The following COL24A1 variants were observed in gnomAD, a reference collection of about 807,000 sequenced individuals.
The protein encoded by COL24A1 is collagen alpha-1(XXIV) chain.
A neutral mutation model predicts 253.9 loss-of-function variants in COL24A1; 224 were observed. The ratio of observed to expected loss-of-function variants is 0.88; its 90% CI spans 0.79 to 0.99. The LOEUF is 0.99. COL24A1 is among the 50% of genes least tolerant of loss of function. The pLI is 0.00. For synonymous variants in COL24A1, 685 were observed against 673.7 expected, an observed-to-expected ratio of 1.02 and a Z score of -0.26; for missense variants, 2,131 against 2,068.5, an observed-to-expected ratio of 1.03 and a Z score of -0.59.
intron 20 of COL24A1, among the ~76,000 whole-genome samples, chr1:85,986,171 T>C (rs1027959687): frequency 3.3e-5 from 5 of 151,812 alleles, no homozygotes; most frequent in African/African-American, 7.2e-5. Flanking sequence ...TATCTTTCTC[T>C]AGATTTTAAG....
rs1653634912 is a variant in COL24A1 at position 86,156,438 on chromosome 1, A to T, written c.-42T>A. 1.3e-6 allele frequency: 2 copies of T among 1,596,090 alleles called. No individual in the cohort carries two copies. Among genetic ancestry groups the T allele is most frequent in the Non-Finnish European group, 1.7e-6 (2 of 1,168,736 alleles). ...GTGCAGCAAAGCGCTAACGGAAAAC[A>T]GAAGCCAACTCTGAACTGCTTAGGG... is the stretch of plus-strand genomic sequence containing the variant. On this transcript the variant is annotated 5_prime_UTR_variant, in exon 1 of 60. Coordinates refer to ENST00000370571, the MANE Select transcript of COL24A1 (RefSeq NM_152890.7).
chr1:85,976,199 A>T (rs1320914781), intron 20 of COL24A1, among the ~76,000 whole-genome samples: 1 of 152,184 alleles, frequency 6.6e-6, no homozygotes, highest in Non-Finnish European at 1.5e-5. Flanking sequence ...GGGAGGGGCG[A>T]GGCCTGAAAG....
intron 47 of COL24A1, among the ~76,000 whole-genome samples, chr1:85,810,765 C>T (rs1455678989): frequency 6.6e-6 from 1 of 152,144 alleles, no homozygotes; most frequent in East Asian, 1.9e-4. Flanking sequence ...CCCCACTTCA[C>T]CTTCTAGTCT....
intron 24 of COL24A1, among the ~76,000 whole-genome samples, chr1:85,925,881 C>T (rs1015085803): frequency 2.0e-5 from 3 of 152,240 alleles, no homozygotes; most frequent in South Asian, 2.1e-4. Context: ...TCAGAGTGAA[C>T]AGGCAACCTA....
Position 85,998,838 on chromosome 1 carries a change from C to T in COL24A1, c.2311-11184G>A, listed in dbSNP as rs145681681. Reference sequence around the variant, plus strand: ...ACCGCATATGCAAGTATCATCTAGCCCTCTTCTTGTCACCCTGTGGGAAGT... The same window carrying T: ...ACCGCATATGCAAGTATCATCTAGCTCTCTTCTTGTCACCCTGTGGGAAGT... On this transcript the variant is annotated intron_variant, in intron 19 of 59. Transcript: ENST00000370571. Among the ~76,000 whole-genome samples the T allele has an allele frequency of 4.6e-3, 694 of 152,312 alleles. 6 individuals are homozygous for T. Among genetic ancestry groups the T allele is most frequent in the African/African-American group, 0.016 (668 of 41,568 alleles).
At chr1:85,776,057 A>T (rs2101453773) in intron 52 of COL24A1, among the ~76,000 whole-genome samples, 1 of 152,218 alleles carries the variant, frequency 6.6e-6, no homozygotes, top group East Asian at 1.9e-4. Context: ...AATTCTTCTA[A>T]TAATTGTTTT....
chr1:85,821,914 A>G (rs1673660151), intron 45 of COL24A1, among the ~76,000 whole-genome samples: 1 of 152,224 alleles, frequency 6.6e-6, no homozygotes, highest in African/African-American at 2.4e-5. Flanking sequence ...GAAAGTATTA[A>G]TTGTAAAAAA....
Position 86,033,935 on chromosome 1 carries a change from A to C in COL24A1, c.1951-12T>G, listed in dbSNP as rs201514530. 46 of 1,585,570 alleles carry C rather than the reference A, an allele frequency of 2.9e-5. No individual in the cohort carries two copies. The East Asian group carries it at 1.0e-3, about 35-fold the overall frequency. ...TCACCTGGAAAACCCTGTCACAGGG[A>C]AAGAGGAAGAATGCCAACATATATA... On this transcript the variant is annotated splice_polypyrimidine_tract_variant and intron_variant, in intron 12 of 59. Transcript: ENST00000370571.
rs543385145 is a variant in COL24A1, at chr1:85,988,851, T to C, written c.2311-1197A>G. Among the ~76,000 whole-genome samples, 5 of 152,266 alleles carry C rather than the reference T, an allele frequency of 3.3e-5. No homozygotes were observed. In the South Asian group the frequency reaches 1.0e-3, roughly 32 times the overall value. ...CGACTCAGATTTAAAGCTTGGATTC[T>C]GTGAGGAAAAATATAATTTGGGGAC... On this transcript the variant is annotated intron_variant, in intron 19 of 59. Transcript: ENST00000370571.
At chr1:85,895,530 AC>A (rs1683586812) in intron 31 of COL24A1, among the ~76,000 whole-genome samples, 1 of 152,184 alleles carries the variant, frequency 6.6e-6, no homozygotes, top group Non-Finnish European at 1.5e-5. Flanking sequence ...AACAGTTATA[AC>A]CACCAGTTAT....
chr1:86,110,601 G>A (rs1277957933), intron 5 of COL24A1, among the ~76,000 whole-genome samples: 1 of 151,960 alleles, frequency 6.6e-6, no homozygotes, highest in African/African-American at 2.4e-5. Flanking sequence ...CGGCGCTCGC[G>A]AGCGAGCGCG....
At chr1:85,810,508 C>T (rs994119443) in intron 47 of COL24A1, among the ~76,000 whole-genome samples, 26 of 152,176 alleles carry the variant, frequency 1.7e-4, no homozygotes, top group African/African-American at 6.3e-4. Context: ...GATAAACTTG[C>T]TTTGTGACAT....
intron 47 of COL24A1, among the ~76,000 whole-genome samples, chr1:85,794,049 G>T (rs1453642760): frequency 3.3e-5 from 5 of 151,944 alleles, no homozygotes; most frequent in Admixed American, 3.3e-4. Flanking sequence ...AGTAACTTCA[G>T]AGTTAAACCA....
At chr1:85,959,640 C>A (rs2100659267) in intron 24 of COL24A1, among the ~76,000 whole-genome samples, 1 of 152,170 alleles carries the variant, frequency 6.6e-6, no homozygotes, top group Admixed American at 6.5e-5. Flanking sequence ...TCACTTGGCA[C>A]TATACCTAGT....
intron 38 of COL24A1, among the ~76,000 whole-genome samples, chr1:85,848,613 A>C (rs1677404767): frequency 6.6e-6 from 1 of 152,154 alleles, no homozygotes; most frequent in Non-Finnish European, 1.5e-5. Context: ...CCCAGCCAAC[A>C]AACTGACCTT....
intron 37 of COL24A1, among the ~76,000 whole-genome samples, chr1:85,855,817 T>C (rs1280509896): frequency 6.6e-6 from 1 of 152,194 alleles, no homozygotes; most frequent in Non-Finnish European, 1.5e-5. Flanking sequence ...GCTGTCAATC[T>C]GGTCCTGGGC....
intron 10 of COL24A1, among the ~76,000 whole-genome samples, chr1:86,054,140 A>T (rs1700509544): frequency 6.6e-6 from 1 of 152,134 alleles, no homozygotes; most frequent in African/African-American, 2.4e-5. Flanking sequence ...AATATATAAA[A>T]ATTAACTCAA....
intron 53 of COL24A1, among the ~76,000 whole-genome samples, chr1:85,771,568 G>C (rs1278618561): frequency 6.6e-6 from 1 of 152,152 alleles, no homozygotes; most frequent in Non-Finnish European, 1.5e-5. Context: ...ACATACGTGT[G>C]CATGTGTCTT....
intron 10 of COL24A1, among the ~76,000 whole-genome samples, chr1:86,050,685 T>A (rs1024850871): frequency 1.3e-5 from 2 of 151,764 alleles, no homozygotes; most frequent in African/African-American, 4.8e-5. Flanking sequence ...AATTGGGGAG[T>A]GTTTGTAAAT....
Sources: allele counts gnomAD v4.1 joint callset (sites outside exome capture counted in the v4.1 genomes callset), GRCh38; gene constraint gnomAD v4.1.1; transcripts MANE v1.5; gene names NCBI Gene and HGNC (gene_info 2026-07-23, HGNC 2026-07-21).